CAMKMT: variants seen among roughly 807,000 people sequenced by gnomAD.
CAMKMT encodes CaM KMT.
A neutral mutation model predicts 48.0 loss-of-function variants in CAMKMT; 53 were observed. That is an observed-to-expected ratio of 1.10 (90% CI 0.89 to 1.39). The LOEUF is 1.39. Ranked by LOEUF, CAMKMT falls within the 40% of genes most tolerant of loss-of-function variation. The pLI is 0.00. For synonymous variants in CAMKMT, 165 were observed against 152.3 expected (o/e 1.08, Z -0.61); for missense variants, 428 against 402.7 (o/e 1.06, Z -0.54).
chr2:44,417,142 T>C (rs968862910), intron 3 of CAMKMT, among the ~76,000 whole-genome samples: 1 of 152,042 alleles, frequency 6.6e-6, no homozygotes, highest in Non-Finnish European at 1.5e-5. Context: ...TGTATAAATA[T>C]GGCCACACTT....
In CAMKMT at chr2:44,772,340, CTTTG is replaced by C. The variant is rs1378541512; in HGVS notation, c.*233_*236del. On this transcript the variant is annotated 3_prime_UTR_variant, in exon 11 of 11. Transcript: ENST00000378494. ...GCTTGTTGCTCGTCCTGCCCTAAAC[CTTTG>C]TTTGTCTTTAAATGTGTATAAGCTG... 11 of 426,894 alleles carry C rather than the reference CTTTG, an allele frequency of 2.6e-5. No homozygotes were observed. The highest frequency in any genetic ancestry group is 4.6e-5 in the Non-Finnish European group (11 of 239,974). The allele number at this position is 426,894 out of a possible 1,614,324, so 26.4% of individuals were successfully genotyped here.
At chr2:44,409,117 A>G (rs1460191263) in intron 3 of CAMKMT, among the ~76,000 whole-genome samples, 11 of 3,866 alleles carry the variant, frequency 2.8e-3, no homozygotes, top group Non-Finnish European at 5.3e-3. Context: ...ATATATATAT[A>G]TATATATATA....
intron 2 of CAMKMT, among the ~76,000 whole-genome samples, chr2:44,389,175 C>T (rs1681071815): frequency 6.6e-6 from 1 of 152,024 alleles, no homozygotes; most frequent in Admixed American, 6.6e-5. Context: ...TTGGGTGGGT[C>T]TTGCTGTAGC....
At chr2:44,640,790 C>T (rs1673407355) in intron 3 of CAMKMT, among the ~76,000 whole-genome samples, 2 of 152,184 alleles carry the variant, frequency 1.3e-5, no homozygotes, top group Non-Finnish European at 2.9e-5. Flanking sequence ...TGTAATGTTG[C>T]TATTGAAAAG....
intron 3 of CAMKMT, among the ~76,000 whole-genome samples, chr2:44,587,484 C>G (rs1391059823): frequency 7.0e-6 from 1 of 142,570 alleles, no homozygotes; most frequent in African/African-American, 2.6e-5. Flanking sequence ...CCGTCTCCCT[C>G]TCTCTCCACG....
chr2:44,691,146 T>C (rs544535018), intron 3 of CAMKMT, among the ~76,000 whole-genome samples: 21 of 152,270 alleles, frequency 1.4e-4, no homozygotes, highest in African/African-American at 4.6e-4. Flanking sequence ...CACAAAGATA[T>C]TAAGTGTGAG....
chr2:44,562,510 G>C (rs1319604525), intron 3 of CAMKMT, among the ~76,000 whole-genome samples: 3 of 152,276 alleles, frequency 2.0e-5, no homozygotes, highest in East Asian at 3.9e-4. Flanking sequence ...GGCTTAGAGA[G>C]GTTGGGTAAC....
intron 3 of CAMKMT, among the ~76,000 whole-genome samples, chr2:44,623,040 T>A (rs774281734): frequency 6.6e-6 from 1 of 152,208 alleles, no homozygotes; most frequent in Non-Finnish European, 1.5e-5. Context: ...CTGACCAGTG[T>A]GAGATGGTAT....
At chr2:44,538,958 C>CTGTGTG (rs57970764) in intron 3 of CAMKMT, among the ~76,000 whole-genome samples, 27 of 140,218 alleles carry the variant, frequency 1.9e-4, no homozygotes, top group Non-Finnish European at 2.8e-4. Context: ...GTGTGTGTGT[C>CTGTGTG]TGTGTGTGTG....
chr2:44,737,858 T>C (rs905834691), intron 7 of CAMKMT, among the ~76,000 whole-genome samples: 1 of 146,170 alleles, frequency 6.8e-6, no homozygotes, highest in Non-Finnish European at 1.5e-5. Context: ...TTCTTTTTTT[T>C]CTTTTTTTTT....
At chr2:44,608,866 C>G (rs1671446323) in intron 3 of CAMKMT, among the ~76,000 whole-genome samples, 1 of 152,132 alleles carries the variant, frequency 6.6e-6, no homozygotes, top group Admixed American at 6.5e-5. Context: ...GTGGGTATTG[C>G]TAATAGGTGC....
At chr2:44,567,487 A>G (rs1668676759) in intron 3 of CAMKMT, among the ~76,000 whole-genome samples, 1 of 152,206 alleles carries the variant, frequency 6.6e-6, no homozygotes, top group African/African-American at 2.4e-5. Flanking sequence ...CTTCTCTCCC[A>G]TGTCAATCCT....
intron 3 of CAMKMT, among the ~76,000 whole-genome samples, chr2:44,669,114 A>T (rs1675178824): frequency 6.6e-6 from 1 of 152,080 alleles, no homozygotes; most frequent in Non-Finnish European, 1.5e-5. Flanking sequence ...TTTGTTTTTA[A>T]TAATTTTACA....
At chr2:44,466,028 T>C (rs949889862) in intron 3 of CAMKMT, among the ~76,000 whole-genome samples, 1 of 152,086 alleles carries the variant, frequency 6.6e-6, no homozygotes, top group Non-Finnish European at 1.5e-5. Context: ...CACCCAAATA[T>C]ATAAAGCAAA....
intron 1 of CAMKMT, among the ~76,000 whole-genome samples, chr2:44,364,589 G>C (rs1052648444): frequency 6.6e-6 from 1 of 152,218 alleles, no homozygotes; most frequent in Non-Finnish European, 1.5e-5. Flanking sequence ...TTCAGTGTCT[G>C]TGGAAAGCCT....
chr2:44,749,855 A>T (rs1269689346), intron 8 of CAMKMT, among the ~76,000 whole-genome samples: 1 of 152,148 alleles, frequency 6.6e-6, no homozygotes, highest in Admixed American at 6.5e-5. Flanking sequence ...AGAATGATGC[A>T]GGGCCCTAGA....
At chr2:44,536,843 A>G (rs1666802561) in intron 3 of CAMKMT, among the ~76,000 whole-genome samples, 1 of 152,120 alleles carries the variant, frequency 6.6e-6, no homozygotes, top group African/African-American at 2.4e-5. Flanking sequence ...AGAATAGAGA[A>G]CCCAGAAGTA....
At chr2:44,382,535 G>C (rs1265463134) in intron 2 of CAMKMT, among the ~76,000 whole-genome samples, 3 of 150,204 alleles carry the variant, frequency 2.0e-5, no homozygotes, top group Non-Finnish European at 3.0e-5. Context: ...CTGGAGTACA[G>C]TGGCGCGATC....
intron 3 of CAMKMT, among the ~76,000 whole-genome samples, chr2:44,498,836 T>C (rs1386156133): frequency 6.6e-6 from 1 of 152,198 alleles, no homozygotes; most frequent in Admixed American, 6.5e-5. Context: ...TATTCCCAAA[T>C]GAGATTGGTC....
Sources: gnomAD v4.1 joint callset for allele counts (sites outside exome capture counted in the v4.1 genomes callset) on GRCh38, gnomAD v4.1.1 for gene constraint, MANE v1.5 for transcripts, NCBI Gene and HGNC (gene_info 2026-07-23, HGNC 2026-07-21) for gene names.